LTN1: variants seen among roughly 807,000 people sequenced by gnomAD.
The protein encoded by LTN1 is E3 ubiquitin-protein ligase listerin.
In LTN1, 88 loss-of-function variants were observed where a neutral mutation model predicts 201.2. The ratio of observed to expected loss-of-function variants is 0.44; its 90% CI spans 0.37 to 0.52. LTN1 has a LOEUF of 0.52. Ranked by LOEUF, LTN1 falls within the 20% of genes least tolerant of loss-of-function variation. The probability of loss-of-function intolerance (pLI) is 0.00; values close to 1 mark genes in which losing one functional copy is unlikely to be tolerated. For missense variants in LTN1, 1,752 were observed against 2,038.7 expected (o/e 0.86, Z 2.71); for synonymous variants, 645 against 713.5 (o/e 0.90, Z 1.53).
intron 25 of LTN1, among the ~76,000 whole-genome samples, chr21:28,939,520 T>C (rs2084281251): frequency 6.6e-6 from 1 of 152,224 alleles, no homozygotes; most frequent in Non-Finnish European, 1.5e-5. Context: ...TTAGGAACAT[T>C]TAAAGTTTTC....
At chr21:28,935,623 G>A (rs1291803022) in intron 26 of LTN1, among the ~76,000 whole-genome samples, 5 of 152,010 alleles carry the variant, frequency 3.3e-5, no homozygotes, top group Admixed American at 2.0e-4. Flanking sequence ...GGTGGATCAC[G>A]AGATCAGGAG....
chr21:28,967,387 A>G (rs1400358326), intron 9 of LTN1, among the ~76,000 whole-genome samples: 1 of 152,098 alleles, frequency 6.6e-6, no homozygotes, highest in East Asian at 1.9e-4. Flanking sequence ...AACTTTCAAT[A>G]CCTCCCCAAC....
chr21:28,964,760 T>A (rs78050209), intron 11 of LTN1: 42 of 1,549,548 alleles, frequency 2.7e-5, no homozygotes, highest in Non-Finnish European at 3.6e-5. Context: ...TCACGGCAGG[T>A]ACATTCCTAA....
chr21:28,959,704 A>G lies in LTN1; in HGVS notation c.2354-7T>C. On this transcript the variant is annotated splice_region_variant and splice_polypyrimidine_tract_variant and intron_variant, in intron 12 of 29. Transcript: ENST00000361371. The stretch of plus-strand genomic sequence containing the variant: ...ACGTCTCCAATCAAGTAATCTGGAG[A>G]AAAAAAGGTTCAAACAGACAAAAAA... 1.9e-6 allele frequency: 3 copies of G among 1,575,370 alleles called. No homozygotes were observed. The highest frequency in any genetic ancestry group is 2.3e-5 in the East Asian group (1 of 44,182).
chr21:28,992,706 G>A, intron 1 of LTN1, 58 bp downstream of exon 1: 1 of 1,601,040 alleles, frequency 6.2e-7, no homozygotes, highest in Non-Finnish European at 8.5e-7. Context: ...AACGCGCTGG[G>A]CGGAGCCAGC....
chr21:28,934,852 T>G (rs936299463), intron 27 of LTN1, among the ~76,000 whole-genome samples: 3 of 152,216 alleles, frequency 2.0e-5, no homozygotes, highest in African/African-American at 7.2e-5. Context: ...TACCACTGTT[T>G]CAATCCACGC....
intron 14 of LTN1, 79 bp from the exon 15 acceptor site, chr21:28,957,555 T>C: frequency 2.2e-6 from 2 of 907,238 alleles, no homozygotes; most frequent in Admixed American, 3.1e-5. Flanking sequence ...TTAAATACCC[T>C]ATAATAGCTC....
In LTN1 at chr21:28,946,145, CACCT is replaced by C. The variant is rs1219200226; in HGVS notation, c.3623+3_3623+6del. On this transcript the variant is annotated splice_donor_5th_base_variant and intron_variant, in intron 20 of 29. Coordinates refer to ENST00000361371, the MANE Select transcript of LTN1 (RefSeq NM_015565.3). ...GAAGGAAAAACATAGTATAAAGTAT[CACCT>C]ACCAACTGAAAAGAAAAATATCTTC... The C allele has an allele frequency of 1.3e-6, 2 of 1,570,778 alleles. No individual in the cohort carries two copies. The highest frequency in any genetic ancestry group is 1.7e-6 in the Non-Finnish European group (2 of 1,159,384).
At position 28,933,765 on chromosome 21, in the gene LTN1, C is replaced by T. The variant is rs554006371; in HGVS notation, c.4876-1101G>A. ...GATCTCGGCTCACCACAACCTCCGC[C>T]TCCCGGGTTCAAAAAATTCTCCTAC... is the stretch of plus-strand genomic sequence containing the variant. On this transcript the variant is annotated intron_variant, in intron 27 of 29. Coordinates refer to ENST00000361371, the MANE Select transcript of LTN1 (RefSeq NM_015565.3). Among the ~76,000 whole-genome samples the T allele has an allele frequency of 1.4e-4, 21 of 151,842 alleles. No homozygotes were observed. The East Asian group carries it at 4.1e-3, about 29-fold the overall frequency.
intron 6 of LTN1, among the ~76,000 whole-genome samples, chr21:28,976,870 C>T (rs1353285064): frequency 6.6e-6 from 1 of 152,110 alleles, no homozygotes; most frequent in Non-Finnish European, 1.5e-5. Flanking sequence ...GATCCTCCCA[C>T]CACAACTTCC....
chr21:28,959,785 G>T, intron 12 of LTN1, 88 bp from the exon 13 acceptor site: 2 of 1,140,544 alleles, frequency 1.8e-6, no homozygotes, highest in Non-Finnish European at 2.4e-6. Context: ...AATTCTATGG[G>T]TCTTTCCTGG....
At chr21:28,947,437 T>C (rs764969281) in intron 19 of LTN1, 27 bp downstream of exon 19, 18 of 1,486,738 alleles carry the variant, frequency 1.2e-5, no homozygotes, top group Non-Finnish European at 1.6e-5. Context: ...ATTAAATTAA[T>C]GAAATATTTA....
At chr21:28,939,342 T>C (rs967817598) in intron 25 of LTN1, among the ~76,000 whole-genome samples, 2 of 152,156 alleles carry the variant, frequency 1.3e-5, no homozygotes, top group African/African-American at 2.4e-5. Context: ...GATGACTATA[T>C]ACTAAAAACA....
chr21:28,964,345 T>C (rs28420434), intron 11 of LTN1, among the ~76,000 whole-genome samples: 9,760 of 152,276 alleles, frequency 0.064, 672 homozygotes, highest in East Asian at 0.19. Flanking sequence ...GCCATGAACA[T>C]TGAGGCAAGA....
chr21:28,968,020 G>A (rs1224518459), intron 9 of LTN1: 3 of 151,338 alleles, frequency 2.0e-5, no homozygotes, highest in Admixed American at 6.6e-5. Context: ...ACTCACAGAA[G>A]GTAAAAAATT....
intron 26 of LTN1, among the ~76,000 whole-genome samples, chr21:28,935,893 A>G (rs1320683124): frequency 6.6e-6 from 1 of 152,062 alleles, no homozygotes; most frequent in African/African-American, 2.4e-5. Context: ...AAATCTACCT[A>G]GAAACAGATT....
chr21:28,978,524 G>C (rs2084634263), intron 6 of LTN1, among the ~76,000 whole-genome samples: 1 of 152,154 alleles, frequency 6.6e-6, no homozygotes, highest in African/African-American at 2.4e-5. Flanking sequence ...AGGTAAAACT[G>C]CATATAAAGC....
rs1364501955 is a variant in LTN1 at position 28,982,340 on chromosome 21, G to A, written c.605C>T (p.Thr202Ile). Residue 202 changes from threonine (T) to isoleucine (I), a missense_variant, in exon 5 of 30, where the codon ACA becomes ATA. Transcript: ENST00000361371. Reference sequence around the variant, plus strand: ...CTGCGGGTCACTGAGTGTATCAGGTGTTTCTTTTATAAGATGATCCTGCAG... The same window carrying A: ...CTGCGGGTCACTGAGTGTATCAGGTATTTCTTTTATAAGATGATCCTGCAG... ...SVLQDHLIKE[T>I]PDTLSDPQTV... 3.1e-6 allele frequency: 5 copies of A among 1,613,642 alleles called. No individual in the cohort carries two copies. Among genetic ancestry groups the A allele is most frequent in the East Asian group, 2.2e-5 (1 of 44,884 alleles).
At position 28,929,550 on chromosome 21, in the gene LTN1, T is replaced by C. The variant is rs542758247; in HGVS notation, c.*898A>G. The C allele has an allele frequency of 2.6e-5, 4 of 152,270 alleles. No homozygotes were observed. Among genetic ancestry groups the C allele is most frequent in the African/African-American group, 9.6e-5 (4 of 41,552 alleles). The allele number at this position is 152,270 out of a possible 1,614,324, so 9.4% of individuals were successfully genotyped here. ...GAATAGCTCAGTTTGCTTCCAAAAT[T>C]GAAAGTCTCCTACAACATTTTTAAA... On this transcript the variant is annotated 3_prime_UTR_variant, in exon 30 of 30. Coordinates refer to ENST00000361371, the MANE Select transcript of LTN1 (RefSeq NM_015565.3).
Sources: gnomAD v4.1 joint callset for allele counts (sites outside exome capture counted in the v4.1 genomes callset) on GRCh38, gnomAD v4.1.1 for gene constraint, MANE v1.5 for transcripts, NCBI Gene and HGNC (gene_info 2026-07-23, HGNC 2026-07-21) for gene names.